The following MYCBPAP variants were observed in gnomAD, a reference collection of about 807,000 sequenced individuals.
MYCBPAP encodes the protein MYCBP-associated protein.
MYCBPAP carries 60 observed loss-of-function variants against 106.1 expected under a neutral mutation model. That is an observed-to-expected ratio of 0.57 (90% CI 0.46 to 0.70). The LOEUF (loss-of-function observed/expected upper bound fraction) is 0.70, where lower values mean the gene tolerates loss of function less well. Among genes scored for constraint, MYCBPAP ranks in the 30% least tolerant of loss-of-function variants. MYCBPAP has a pLI of 0.00. For synonymous variants in MYCBPAP, 407 were observed against 440.6 expected (o/e 0.92, Z 0.95); for missense variants, 1,064 against 1,169.3 (o/e 0.91, Z 1.31).
chr17:50,513,999 C>A (rs533277255), intron 1 of MYCBPAP, among the ~76,000 whole-genome samples: 93 of 152,268 alleles, frequency 6.1e-4, no homozygotes, highest in African/African-American at 2.1e-3. Context: ...TCTGCTGACC[C>A]CATTACAGAA....
intron 6 of MYCBPAP, 42 bp downstream of exon 6, chr17:50,519,131 A>C (rs2034163679): frequency 4.8e-6 from 3 of 627,310 alleles, no homozygotes; most frequent in East Asian, 5.5e-5. Flanking sequence ...AGGGGGGTCC[A>C]TGGAGGAGGG....
Position 50,521,381 on chromosome 17 carries a change from C to T in MYCBPAP, c.1098C>T (p.Tyr366=), listed in dbSNP as rs760237647. 1.9e-6 allele frequency: 3 copies of T among 1,605,112 alleles called. No homozygotes were observed. In the African/African-American group the frequency reaches 4.0e-5, roughly 21 times the overall value. ...WPFSAVTVED[Y]TVFERSQGSS... Reference sequence around the variant, plus strand: ...TCTCGGCTGTTACTGTGGAAGACTACACAGTGTTTGAAAGAAGTCAGGGAA... The same window carrying T: ...TCTCGGCTGTTACTGTGGAAGACTATACAGTGTTTGAAAGAAGTCAGGGAA... Residue 366 remains tyrosine, a synonymous_variant, in exon 9 of 19, where the codon TAC becomes TAT. Transcript: ENST00000323776.
intron 1 of MYCBPAP, chr17:50,514,943 C>A: frequency 2.2e-6 from 1 of 451,508 alleles, no homozygotes; most frequent in South Asian, 1.6e-5. Flanking sequence ...ATGCCATTGC[C>A]CATGGGGTAA....
chr17:50,523,866 T>A, intron 12 of MYCBPAP, 82 bp downstream of exon 12: 1 of 1,353,286 alleles, frequency 7.4e-7, no homozygotes, highest in Non-Finnish European at 1.0e-6. Context: ...GAAGGGATCA[T>A]ATTTCTCCCA....
chr17:50,528,783 G>T lies in MYCBPAP; in HGVS notation c.2496G>T (p.Lys832Asn). The T allele has an allele frequency of 6.2e-7, 1 of 1,614,072 alleles. No individual in the cohort carries two copies. Among genetic ancestry groups the T allele is most frequent in the Middle Eastern group, 1.7e-4 (1 of 6,056 alleles). Reference protein sequence around the residue: ...EERKGAAQEKKQLGIKDKEDK... With the variant: ...EERKGAAQEKNQLGIKDKEDK... ...GGAAAGGAGCAGCCCAGGAAAAGAA[G>T]CAACTGGGGATCAAAGACAAAGAAG... is the stretch of plus-strand genomic sequence containing the variant. Residue 832 changes from lysine to asparagine, a missense_variant, in exon 17 of 19, where the codon AAG (lysine) becomes AAT (asparagine). Coordinates refer to ENST00000323776, the MANE Select transcript of MYCBPAP (RefSeq NM_032133.6).
At chr17:50,522,832 C>T (rs986671108) in intron 10 of MYCBPAP, 107 bp from the exon 11 acceptor site, 18 of 1,117,270 alleles carry the variant, frequency 1.6e-5, no homozygotes, top group South Asian at 3.2e-5. Flanking sequence ...GCCTGGGACA[C>T]GAGACTTGCA....
Position 50,523,630 on chromosome 17 carries a change from CCTT to C in MYCBPAP, c.1489_1491del (p.Phe497del), listed in dbSNP as rs1196316209. ...CTGCCTGGAGAAATTAAAACATTTA[CCTT>C]CTTCTTCAAGTCTTTGACTGCTGGG... On this transcript the variant is annotated inframe_deletion, in exon 12 of 19. Transcript: ENST00000323776. The C allele has an allele frequency of 2.8e-5, 45 of 1,614,066 alleles. No individual in the cohort carries two copies. The highest frequency in any genetic ancestry group is 3.6e-5 in the Non-Finnish European group (43 of 1,180,050).
At chr17:50,529,663 G>A (rs2034571966) in intron 18 of MYCBPAP, 1 of 436,954 alleles carries the variant, frequency 2.3e-6, no homozygotes, top group Non-Finnish European at 4.6e-6. Flanking sequence ...AAACGCAATA[G>A]GGTCTGATAG....
intron 1 of MYCBPAP, among the ~76,000 whole-genome samples, chr17:50,510,692 A>ATTTTT (rs56894700): frequency 4.5e-5 from 5 of 111,164 alleles, no homozygotes; most frequent in African/African-American, 1.5e-4. Flanking sequence ...TGCCTGGCAA[A>ATTTTT]TTTTTTTTTT....
rs2034254179 is a variant in MYCBPAP at position 50,521,353 on chromosome 17, C to T, written c.1070C>T (p.Pro357Leu). 6.2e-7 allele frequency: 1 copy of T among 1,605,786 alleles called. No individual in the cohort carries two copies. The highest frequency in any genetic ancestry group is 1.3e-5 in the African/African-American group (1 of 74,764). Residue 357 changes from proline to leucine, a missense_variant, in exon 9 of 19, where the codon CCC becomes CTC. Pro to Leu is a moderately conservative substitution (Grantham distance 98). Transcript: ENST00000323776. ...CTGGAGGTGGTGGGCAAAGGGTGGC[C>T]CTTCTCGGCTGTTACTGTGGAAGAC... The part of the protein sequence containing the change: ...DGLEVVGKGW[P>L]FSAVTVEDYT...
chr17:50,522,473 T>TCTA, intron 10 of MYCBPAP: 2 of 166,056 alleles, frequency 1.2e-5, no homozygotes, highest in Admixed American at 5.7e-5. Context: ...CGTGGGTGGA[T>TCTA]CACCTGACAT....
In MYCBPAP at chr17:50,518,711, G is replaced by A; in HGVS notation, c.639G>A (p.Gln213=). 1 of 1,587,832 alleles carries A rather than the reference G, an allele frequency of 6.3e-7. No individual in the cohort carries two copies. Among genetic ancestry groups the A allele is most frequent in the Middle Eastern group, 1.8e-4 (1 of 5,702 alleles). The change falls in exon 5 of 19, where the codon CAG becomes CAA. Residue 213 remains glutamine (Q), a synonymous_variant. Transcript: ENST00000323776. ...QRNTALRKKQ[Q]EALSEHLKKP... ...ACACAGCCCTGCGGAAGAAGCAGCA[G>A]GAAGCCCTCAGCGGTGAGCAGAGCA...
chr17:50,521,179 G>T lies in MYCBPAP; in HGVS notation c.986G>T (p.Arg329Leu). The change falls in exon 8 of 19, where the codon CGC (arginine) becomes CTC (leucine). Residue 329 changes from arginine to leucine, a missense_variant. Coordinates refer to ENST00000323776, the MANE Select transcript of MYCBPAP (RefSeq NM_032133.6). Reference sequence around the variant, plus strand: ...CGGAGTCTGTTTCTGATCTACCGACGCAAGGAGCTGCAGAGAATCATGGAA... The same window carrying T: ...CGGAGTCTGTTTCTGATCTACCGACTCAAGGAGCTGCAGAGAATCATGGAA... ...WDRSLFLIYR[R>L]KELQRIMEEL... The T allele has an allele frequency of 6.2e-7, 1 of 1,613,634 alleles. No homozygotes were observed. Among genetic ancestry groups the T allele is most frequent in the Non-Finnish European group, 8.5e-7 (1 of 1,179,896 alleles).
intron 1 of MYCBPAP, chr17:50,510,495 GTGTGTATATA>G (rs1263451002): frequency 3.2e-5 from 3 of 93,068 alleles, no homozygotes; most frequent in African/African-American, 4.9e-5. Flanking sequence ...GTGTGTGTGT[GTGTGTATATA>G]TATATATATA....
upstream of MYCBPAP, among the ~76,000 whole-genome samples, chr17:50,507,909 C>T (rs1021555389): frequency 6.6e-6 from 1 of 152,158 alleles, no homozygotes; most frequent in Non-Finnish European, 1.5e-5. Context: ...AAAGCGGGTG[C>T]GTTTATAAAC....
chr17:50,521,456 A>G, intron 9 of MYCBPAP, 25 bp downstream of exon 9: 1 of 1,511,156 alleles, frequency 6.6e-7, no homozygotes. Flanking sequence ...AACCCTGGGG[A>G]GAGAGGCTGA....
At chr17:50,510,006 A>C (rs1597814946) in intron 1 of MYCBPAP, 2 of 152,238 alleles carry the variant, frequency 1.3e-5, no homozygotes, top group East Asian at 3.9e-4. Context: ...AGTTTATGGA[A>C]CTGTAAATGT....
chr17:50,527,970 CA>C (rs1414037216), intron 15 of MYCBPAP, among the ~76,000 whole-genome samples, 184 bp from the exon 16 acceptor site: 11 of 152,312 alleles, frequency 7.2e-5, no homozygotes, highest in African/African-American at 2.6e-4. Flanking sequence ...CCACCCAAGG[CA>C]AGCCAGAACC....
At chr17:50,512,275 C>T (rs948207655) in intron 1 of MYCBPAP, among the ~76,000 whole-genome samples, 11 of 152,104 alleles carry the variant, frequency 7.2e-5, no homozygotes, top group African/African-American at 2.4e-4. Context: ...AGGATGGTCT[C>T]GATCTCCTGA....
Sources: allele counts gnomAD v4.1 joint callset (sites outside exome capture counted in the v4.1 genomes callset), GRCh38; gene constraint gnomAD v4.1.1; transcripts MANE v1.5; gene names NCBI Gene and HGNC (gene_info 2026-07-23, HGNC 2026-07-21).